Variants in PSMA1 observed in about 807,000 individuals in gnomAD.
PSMA1 encodes proteasome 20S subunit alpha 1.
PSMA1 carries 3 observed loss-of-function variants against 38.4 expected under a neutral mutation model. The ratio of observed to expected loss-of-function variants is 0.08; its 90% CI spans 0.04 to 0.20. The LOEUF is 0.20. Among genes scored for constraint, PSMA1 ranks in the 10% least tolerant of loss-of-function variants. The pLI, the probability that PSMA1 is intolerant of heterozygous loss-of-function variation, is 1.00. For synonymous variants in PSMA1, 101 were observed against 107.1 expected, an observed-to-expected ratio of 0.94 and a Z score of 0.35; for missense variants, 227 against 325.3, an observed-to-expected ratio of 0.70 and a Z score of 2.32.
intron 1 of PSMA1, among the ~76,000 whole-genome samples, chr11:14,636,841 A>G (rs1853118222): frequency 6.6e-6 from 1 of 152,212 alleles, no homozygotes; most frequent in South Asian, 2.1e-4. Flanking sequence ...TATAGCTGTT[A>G]TTAATTCAAT....
chr11:14,521,295 C>T (rs1314130002), upstream of PSMA1, among the ~76,000 whole-genome samples: 2 of 130,998 alleles, frequency 1.5e-5, no homozygotes, highest in Admixed American at 1.6e-4. Flanking sequence ...GACCTCGTCG[C>T]TACAATAATA....
Position 14,519,054 on chromosome 11 carries a change from G to C in PSMA1, c.4-13C>G. On this transcript the variant is annotated splice_polypyrimidine_tract_variant and intron_variant, in intron 1 of 9. Transcript: ENST00000396394. ...ACTGATTTCGAAACTAAAAGTAAAA[G>C]AAAAAAATACCTGTTAATAGAAGAA... 2 of 1,548,980 alleles carry C rather than the reference G, an allele frequency of 1.3e-6. No individual in the cohort carries two copies. The highest frequency in any genetic ancestry group is 8.8e-7 in the Non-Finnish European group (1 of 1,130,448).
intron 1 of PSMA1, among the ~76,000 whole-genome samples, chr11:14,621,871 C>T (rs1045182253): frequency 3.3e-5 from 5 of 152,120 alleles, no homozygotes; most frequent in African/African-American, 1.2e-4. Flanking sequence ...TGGAAAAATA[C>T]AATTGATAAG....
chr11:14,633,395 C>T (rs1327972464), intron 1 of PSMA1, among the ~76,000 whole-genome samples: 19 of 151,792 alleles, frequency 1.3e-4, no homozygotes, highest in African/African-American at 4.4e-4. Flanking sequence ...GAGTACCCTG[C>T]CGTGTGAGGT....
rs932837195 is a variant in PSMA1 at position 14,538,829 on chromosome 11, T to C, written c.22-19788A>G. On this transcript the variant is annotated intron_variant, in intron 2 of 10. Coordinates refer to the PSMA1 transcript ENST00000418988. Reference sequence around the variant, plus strand: ...CCTGACTTCTGCCTTTCCAGAGCATTTGTATACACACAGCAGTTCTGTTGT... The same window carrying C: ...CCTGACTTCTGCCTTTCCAGAGCATCTGTATACACACAGCAGTTCTGTTGT... Among the ~76,000 whole-genome samples the C allele has an allele frequency of 2.0e-5, 3 of 152,362 alleles. No individual in the cohort carries two copies. The East Asian group carries it at 5.8e-4, about 29-fold the overall frequency.
At chr11:14,591,180 G>A (rs141577243) in intron 2 of PSMA1, among the ~76,000 whole-genome samples, 8,249 of 152,336 alleles carry the variant, frequency 0.054, 316 homozygotes, top group Non-Finnish European at 0.08. Flanking sequence ...TGCCGGCCCT[G>A]GGCAGTGAGG....
intron 2 of PSMA1, among the ~76,000 whole-genome samples, chr11:14,584,507 G>GTTTTTTT (rs58620375): frequency 3.3e-4 from 41 of 124,724 alleles, no homozygotes; most frequent in East Asian, 7.0e-4. Flanking sequence ...TTTGTTTTTT[G>GTTTTTTT]TTTTTTTTTT....
chr11:14,602,272 A>G (rs1238703455), intron 2 of PSMA1, among the ~76,000 whole-genome samples: 1 of 152,348 alleles, frequency 6.6e-6, no homozygotes, highest in African/African-American at 2.4e-5. Context: ...TGTCTTGGCC[A>G]TGAAAAGGCT....
At chr11:14,595,796 T>A (rs1852483570) in intron 2 of PSMA1, among the ~76,000 whole-genome samples, 1 of 152,258 alleles carries the variant, frequency 6.6e-6, no homozygotes, top group Admixed American at 6.5e-5. Context: ...CTTTTGGTGT[T>A]TTAGTCATGA....
chr11:14,570,496 A>C (rs1237446954), intron 2 of PSMA1, among the ~76,000 whole-genome samples: 1 of 152,246 alleles, frequency 6.6e-6, no homozygotes, highest in Non-Finnish European at 1.5e-5. Flanking sequence ...GCCAACTAGA[A>C]TAAACAGCAT....
intron 1 of PSMA1, among the ~76,000 whole-genome samples, chr11:14,623,968 A>G (rs1852881801): frequency 6.6e-6 from 1 of 152,168 alleles, no homozygotes. Context: ...TGATTGTAGT[A>G]CCTTAGCCAG....
chr11:14,599,093 C>T (rs1415452816), intron 2 of PSMA1, among the ~76,000 whole-genome samples: 2 of 152,200 alleles, frequency 1.3e-5, no homozygotes, highest in East Asian at 3.8e-4. Context: ...TTTAGAGTTT[C>T]TGCTGAGAGA....
chr11:14,557,161 T>C (rs1351847353), intron 2 of PSMA1, among the ~76,000 whole-genome samples: 1 of 152,190 alleles, frequency 6.6e-6, no homozygotes, highest in Non-Finnish European at 1.5e-5. Context: ...CCTGATTCAG[T>C]TGTTGGATCA....
intron 2 of PSMA1, among the ~76,000 whole-genome samples, chr11:14,548,351 A>G (rs1002527440): frequency 6.6e-6 from 1 of 152,202 alleles, no homozygotes; most frequent in Admixed American, 6.5e-5. Context: ...CACTGGCTTC[A>G]GTCTCTGTCA....
At chr11:14,612,842 C>A (rs1360232614) in intron 1 of PSMA1, among the ~76,000 whole-genome samples, 1 of 151,854 alleles carries the variant, frequency 6.6e-6, no homozygotes, top group East Asian at 1.9e-4. Flanking sequence ...CTCTTTAGAC[C>A]ATGTGCCTAT....
At chr11:14,538,349 T>C (rs558941502) in intron 2 of PSMA1, among the ~76,000 whole-genome samples, 1 of 152,290 alleles carries the variant, frequency 6.6e-6, no homozygotes, top group African/African-American at 2.4e-5. Context: ...CTAAAGACTT[T>C]TCCCAGGCTG....
At chr11:14,590,085 G>A (rs1230336208) in intron 2 of PSMA1, among the ~76,000 whole-genome samples, 1 of 152,202 alleles carries the variant, frequency 6.6e-6, no homozygotes, top group Non-Finnish European at 1.5e-5. Context: ...AATGAAATAA[G>A]CCAGGCAGAG....
At chr11:14,536,707 G>A (rs1326220766) in intron 2 of PSMA1, among the ~76,000 whole-genome samples, 1 of 152,086 alleles carries the variant, frequency 6.6e-6, no homozygotes, top group Non-Finnish European at 1.5e-5. Flanking sequence ...CGCCTCCTGA[G>A]TTCATGCCAT....
At chr11:14,512,208 C>A (rs1032077141) in intron 7 of PSMA1, among the ~76,000 whole-genome samples, 3 of 152,086 alleles carry the variant, frequency 2.0e-5, no homozygotes, top group Non-Finnish European at 2.9e-5. Context: ...AACCCCGTCT[C>A]TACTAAAAAT....
Sources: allele counts gnomAD v4.1 joint callset (sites outside exome capture counted in the v4.1 genomes callset), GRCh38; gene constraint gnomAD v4.1.1; transcripts MANE v1.5; gene names NCBI Gene and HGNC (gene_info 2026-07-23, HGNC 2026-07-21).